Variants in RBM47 observed in about 807,000 individuals in gnomAD.
RBM47 encodes the protein RNA-binding protein 47.
A neutral mutation model predicts 47.1 loss-of-function variants in RBM47; 21 were observed. The observed-to-expected ratio is 0.45, with a 90% confidence interval of 0.32 to 0.64. The LOEUF is 0.64. Ranked by LOEUF, RBM47 falls within the 30% of genes least tolerant of loss-of-function variation. The probability of loss-of-function intolerance (pLI) is 0.05; values close to 1 mark genes in which losing one functional copy is unlikely to be tolerated. For synonymous variants in RBM47, 375 were observed against 361.7 expected (o/e 1.04, Z -0.42); for missense variants, 708 against 870.9 (o/e 0.81, Z 2.35).
intron 2 of RBM47, among the ~76,000 whole-genome samples, chr4:40,519,768 C>T (rs554551575): frequency 6.9e-6 from 1 of 145,124 alleles, no homozygotes; most frequent in Admixed American, 7.4e-5. Context: ...CTCCCAGGTT[C>T]AAGCAATTCT....
intron 1 of RBM47, among the ~76,000 whole-genome samples, chr4:40,566,420 G>A (rs1043868418): frequency 6.6e-6 from 1 of 152,102 alleles, no homozygotes; most frequent in Non-Finnish European, 1.5e-5. Context: ...GCTGAGGTGG[G>A]TGGATCACGA....
At chr4:40,432,587 A>G in intron 6 of RBM47, 64 bp downstream of exon 6, 1 of 1,601,118 alleles carries the variant, frequency 6.2e-7, no homozygotes, top group South Asian at 1.1e-5. Flanking sequence ...GCTGAATACT[A>G]AATGAATCCA....
chr4:40,474,349 C>T (rs1044684981), intron 2 of RBM47, among the ~76,000 whole-genome samples: 1 of 151,990 alleles, frequency 6.6e-6, no homozygotes, highest in Non-Finnish European at 1.5e-5. Flanking sequence ...CTGTTGGTCG[C>T]CCCCCACACC....
intron 2 of RBM47, among the ~76,000 whole-genome samples, chr4:40,477,033 G>A (rs965917083): frequency 1.3e-5 from 2 of 151,856 alleles, no homozygotes; most frequent in South Asian, 2.1e-4. Context: ...TCAGAAGTTC[G>A]AGACTCGGGC....
chr4:40,626,318 C>T (rs181174839), intron 1 of RBM47, among the ~76,000 whole-genome samples: 117 of 152,274 alleles, frequency 7.7e-4, no homozygotes, highest in African/African-American at 2.7e-3. Context: ...GGGTTTGTGC[C>T]TTTTGTAATC....
intron 2 of RBM47, among the ~76,000 whole-genome samples, chr4:40,518,457 T>C (rs993725314): frequency 1.3e-5 from 2 of 152,122 alleles, no homozygotes; most frequent in African/African-American, 4.8e-5. Context: ...ACTACAGGCG[T>C]GAGCAACCAC....
At chr4:40,577,213 G>A (rs1040028687) in intron 1 of RBM47, among the ~76,000 whole-genome samples, 2 of 152,168 alleles carry the variant, frequency 1.3e-5, no homozygotes, top group Admixed American at 6.5e-5. Context: ...GCTGAGCCAA[G>A]AGATGGATTG....
intron 1 of RBM47, among the ~76,000 whole-genome samples, chr4:40,575,017 G>T (rs1678532107): frequency 6.6e-6 from 1 of 152,110 alleles, no homozygotes; most frequent in African/African-American, 2.4e-5. Flanking sequence ...GAACCATTTG[G>T]GTCCCCAAGA....
intron 4 of RBM47, among the ~76,000 whole-genome samples, chr4:40,437,112 A>ATATATAT (rs1712675605): frequency 1.4e-5 from 1 of 71,616 alleles, no homozygotes; most frequent in African/African-American, 9.2e-5. Flanking sequence ...TATATATATA[A>ATATATAT]AATACATATA....
At chr4:40,487,117 G>C (rs1721195466) in intron 2 of RBM47, among the ~76,000 whole-genome samples, 1 of 152,116 alleles carries the variant, frequency 6.6e-6, no homozygotes, top group African/African-American at 2.4e-5. Flanking sequence ...GCAACCTTAG[G>C]ATGGTCAAGG....
chr4:40,624,755 A>G (rs1195372124), intron 1 of RBM47, among the ~76,000 whole-genome samples: 1 of 152,176 alleles, frequency 6.6e-6, no homozygotes, highest in Admixed American at 6.5e-5. Context: ...AGATGGGCCT[A>G]ATCTTGGCAA....
chr4:40,429,661 C>A (rs1344784130), intron 6 of RBM47, among the ~76,000 whole-genome samples: 1 of 118,438 alleles, frequency 8.4e-6, no homozygotes, highest in Admixed American at 1.2e-4. Context: ...TGCACTCCAG[C>A]TTGGGTGACA....
At chr4:40,461,936 CAA>C (rs34793166) in intron 3 of RBM47, among the ~76,000 whole-genome samples, 244 of 127,658 alleles carry the variant, frequency 1.9e-3, no homozygotes, top group Non-Finnish European at 1.8e-3. Flanking sequence ...AACTCCGTCT[CAA>C]AAAAAAAAAA....
chr4:40,509,025 G>T (rs1355216457), intron 2 of RBM47, among the ~76,000 whole-genome samples: 8 of 152,080 alleles, frequency 5.3e-5, no homozygotes, highest in African/African-American at 1.9e-4. Context: ...GCCAGGTGTG[G>T]TGGCGCGTGC....
At position 40,530,963 on chromosome 4, in the gene RBM47, G is replaced by A. The variant is rs572608641; in HGVS notation, c.-155+13459C>T. Among the ~76,000 whole-genome samples the A allele has an allele frequency of 3.3e-5, 5 of 152,270 alleles. No individual in the cohort carries two copies. The South Asian group carries it at 1.0e-3, about 32-fold the overall frequency. ...AAAGCAAACAAAATTAGCTGGGCAT[G>A]GGGGTGCATGCGTGTAGTCCCAGCT... On this transcript the variant is annotated intron_variant, in intron 2 of 6. Transcript: ENST00000295971.
chr4:40,479,595 A>AAAAT lies in RBM47; in HGVS notation c.-154-12900_-154-12897dup, dbSNP rs549953610. ...GATGACAGAGTGAGATCCTGTCTCA[A>AAAAT]AAATAAATAAATAAATAAATAAATA... On this transcript the variant is annotated intron_variant, in intron 2 of 6. Coordinates refer to ENST00000295971, the MANE Select transcript of RBM47 (RefSeq NM_001098634.2). Among the ~76,000 whole-genome samples the AAAAT allele has an allele frequency of 7.5e-3, 1,141 of 151,436 alleles. 16 individuals are homozygous for AAAAT. The highest frequency in any genetic ancestry group is 0.023 in the African/African-American group (945 of 41,338).
intron 1 of RBM47, among the ~76,000 whole-genome samples, chr4:40,592,155 A>T (rs1049410635): frequency 6.6e-6 from 1 of 152,180 alleles, no homozygotes; most frequent in Non-Finnish European, 1.5e-5. Context: ...ACTCTGCAAA[A>T]ACTAGCATCA....
At chr4:40,513,821 C>T (rs1296556335) in intron 2 of RBM47, among the ~76,000 whole-genome samples, 4 of 151,850 alleles carry the variant, frequency 2.6e-5, no homozygotes, top group South Asian at 2.1e-4. Flanking sequence ...GGGGTTCAAG[C>T]GATTCTCCTG....
intron 2 of RBM47, among the ~76,000 whole-genome samples, chr4:40,528,702 T>C (rs1727015730): frequency 6.6e-6 from 1 of 151,854 alleles, no homozygotes; most frequent in African/African-American, 2.4e-5. Context: ...GAGGTGGAGG[T>C]TGCAGTGAGC....
Sources: allele counts gnomAD v4.1 joint callset (sites outside exome capture counted in the v4.1 genomes callset), GRCh38; gene constraint gnomAD v4.1.1; transcripts MANE v1.5; gene names NCBI Gene and HGNC (gene_info 2026-07-23, HGNC 2026-07-21).